The following COL4A4 variants were observed in gnomAD, a reference collection of about 807,000 sequenced individuals.
The protein encoded by COL4A4 is collagen type IV alpha 4 chain.
COL4A4 carries 105 observed loss-of-function variants against 192.9 expected under a neutral mutation model. The ratio of observed to expected loss-of-function variants is 0.54; its 90% CI spans 0.46 to 0.64. The LOEUF (loss-of-function observed/expected upper bound fraction) is 0.64. Ranked by LOEUF, COL4A4 falls within the 30% of genes least tolerant of loss-of-function variation. The pLI, the probability that COL4A4 is intolerant of heterozygous loss-of-function variation, is 0.00. For missense variants in COL4A4, 1,967 were observed against 2,169.3 expected (o/e 0.91, Z 1.85); for synonymous variants, 762 against 769.9 (o/e 0.99, Z 0.17).
At position 227,059,573 on chromosome 2, in the gene COL4A4, A is replaced by G. The variant is rs1178327075; in HGVS notation, c.2215T>C (p.Ser739Pro). The part of the protein sequence containing the change: ...DPGFGGEKGS[S>P]PVGPPGPPGS... ...GGAGGGCCTGGGGGCCCAACAGGGG[A>G]GGACCCCTTTTCACCTCCAAAACCC... Residue 739 changes from serine to proline, a missense_variant, in exon 28 of 48, where the codon TCC becomes CCC. Transcript: ENST00000396625. 1.2e-5 allele frequency: 20 copies of G among 1,613,972 alleles called. No individual in the cohort carries two copies. The highest frequency in any genetic ancestry group is 1.7e-5 in the Non-Finnish European group (20 of 1,180,008).
intron 43 of COL4A4, among the ~76,000 whole-genome samples, chr2:227,022,764 A>G (rs1966270773): frequency 1.3e-5 from 2 of 152,198 alleles, no homozygotes; most frequent in African/African-American, 2.4e-5. Flanking sequence ...ACTCCCAGAA[A>G]TACTGATTTA....
intron 37 of COL4A4, among the ~76,000 whole-genome samples, chr2:227,035,529 CAA>C (rs112442514): frequency 0.011 from 1,401 of 125,478 alleles, 12 homozygotes; most frequent in East Asian, 0.052. Flanking sequence ...TCTCGTGCAC[CAA>C]AAAAAAAAAA....
Position 227,008,350 on chromosome 2 carries a change from A to C in COL4A4, c.4523-46T>G. 1.9e-6 allele frequency: 3 copies of C among 1,595,662 alleles called. No individual in the cohort carries two copies. The South Asian group carries it at 3.3e-5, about 18-fold the overall frequency. On this transcript the variant is annotated intron_variant, in intron 46 of 47. Transcript: ENST00000396625. ...CAGCTGGTGTCCAAGCACCCCATGT[A>C]GGTGTTCCCAGACCCTTCCTTCCTC...
At chr2:227,059,994 C>T in intron 27 of COL4A4, 142 bp downstream of exon 27, 1 of 657,482 alleles carries the variant, frequency 1.5e-6, no homozygotes, top group South Asian at 1.9e-5. Context: ...AAGGGTCTAT[C>T]AAGAAACACC....
At chr2:227,014,375 G>A (rs893394017) in intron 44 of COL4A4, among the ~76,000 whole-genome samples, 4 of 152,302 alleles carry the variant, frequency 2.6e-5, no homozygotes, top group South Asian at 2.1e-4. Flanking sequence ...GGAACCACAC[G>A]TTGAGAACCA....
At chr2:227,031,796 CCTAA>C (rs1193017505) in intron 40 of COL4A4, 145 bp downstream of exon 40, 12 of 711,482 alleles carry the variant, frequency 1.7e-5, no homozygotes, top group South Asian at 3.1e-5. Flanking sequence ...AAAGTCCCAC[CCTAA>C]CTGTGTCCCA....
At chr2:227,040,113 A>T (rs1474819567) in intron 37 of COL4A4, among the ~76,000 whole-genome samples, 1 of 152,214 alleles carries the variant, frequency 6.6e-6, no homozygotes, top group Non-Finnish European at 1.5e-5. Context: ...GTGTGGGAAA[A>T]TCGTATTTGA....
At chr2:227,105,407 G>T (rs1293347939) in intron 12 of COL4A4, among the ~76,000 whole-genome samples, 1 of 152,006 alleles carries the variant, frequency 6.6e-6, no homozygotes, top group African/African-American at 2.4e-5. Flanking sequence ...GGCCAGGCTG[G>T]TCTCAAACTC....
chr2:227,089,598 TATATATATATAC>T lies in COL4A4; in HGVS notation c.1459+258_1459+269del, dbSNP rs997205343. On this transcript the variant is annotated intron_variant, in intron 21 of 47. Coordinates refer to ENST00000396625, the MANE Select transcript of COL4A4 (RefSeq NM_000092.5). The stretch of plus-strand genomic sequence containing the variant: ...GGCAGGCAAATGTTCCATATATATA[TATATATATATAC>T]ATACATATATATAAATATATAAGAC... Among the ~76,000 whole-genome samples the T allele has an allele frequency of 8.8e-5, 12 of 136,932 alleles. No homozygotes were observed. In the South Asian group the frequency reaches 1.7e-3, roughly 20 times the overall value. 89.8% of individuals were successfully genotyped at this position (136,932 alleles called of 152,430 possible). A position where few individuals can be genotyped will look rare whatever the true frequency, so the allele number is the denominator to read the frequency against.
Position 227,008,155 on chromosome 2 carries a change from C to A in COL4A4, c.4672G>T (p.Ala1558Ser). 2 of 1,614,044 alleles carry A rather than the reference C, an allele frequency of 1.2e-6. No homozygotes were observed. The highest frequency in any genetic ancestry group is 1.1e-5 in the South Asian group (1 of 91,074). The change falls in exon 47 of 48, where the codon GCG (alanine) becomes TCG (serine). Residue 1558 changes from alanine to serine, a missense_variant. Physicochemically the swap from Ala to Ser is moderately conservative, Grantham distance 99 (BLOSUM62 1). Transcript: ENST00000396625. ...CAGCGGCTGACATAGGGGCGGATCG[C>A]CTCTTCAGAGAGTGGCATCATGGGG... is the stretch of plus-strand genomic sequence containing the variant. Reference protein sequence around the residue: ...PLPMMPLSEEAIRPYVSRCAV... With the variant: ...PLPMMPLSEESIRPYVSRCAV...
intron 31 of COL4A4, among the ~76,000 whole-genome samples, chr2:227,054,364 GTTAATTCT>G (rs1407780596): frequency 2.3e-4 from 35 of 152,264 alleles, no homozygotes; most frequent in African/African-American, 7.7e-4. Flanking sequence ...AGAACCACTT[GTTAATTCT>G]TTTTCAATTA....
intron 44 of COL4A4, among the ~76,000 whole-genome samples, chr2:227,016,029 C>T (rs1202467997): frequency 6.6e-6 from 1 of 152,056 alleles, no homozygotes; most frequent in African/African-American, 2.4e-5. Flanking sequence ...TCCTTCCCTA[C>T]ATAAATGGTC....
At chr2:226,985,430 C>A in the COL4A4 span, among the ~76,000 whole-genome samples, 2 of 152,206 alleles carry the variant, frequency 1.3e-5, no homozygotes, top group African/African-American at 4.8e-5. Context: ...TCAAAATAAC[C>A]CTAATTCTGC....
chr2:227,054,886 T>A, intron 30 of COL4A4, 149 bp from the exon 31 acceptor site: 1 of 852,162 alleles, frequency 1.2e-6, no homozygotes, highest in Non-Finnish European at 1.9e-6. Flanking sequence ...GCCTCCCAAG[T>A]TCAAGCAATT....
At chr2:227,053,398 A>G (rs1279813517) in intron 31 of COL4A4, among the ~76,000 whole-genome samples, 2 of 152,154 alleles carry the variant, frequency 1.3e-5, no homozygotes, top group African/African-American at 4.8e-5. Flanking sequence ...TTTTCTCAAC[A>G]CTGGAAAGGA....
At chr2:226,984,922 G>T in the COL4A4 span, among the ~76,000 whole-genome samples, 1 of 151,280 alleles carries the variant, frequency 6.6e-6, no homozygotes, top group East Asian at 1.9e-4. Flanking sequence ...CTCTCCTGGG[G>T]GTTGGGGTGG....
Position 227,114,635 on chromosome 2 carries a change from C to A in COL4A4, c.551G>T (p.Gly184Val). 1 of 1,613,936 alleles carries A rather than the reference C, an allele frequency of 6.2e-7. No individual in the cohort carries two copies. The change falls in exon 8 of 48, where the codon GGT (glycine) becomes GTT (valine). Residue 184 changes from glycine (G) to valine (V), a missense_variant. By Grantham distance (109) the Gly-to-Val change is moderately radical (BLOSUM62 -3). Transcript: ENST00000396625. ...CATGATCATAATACTTACCTGAATACCTTTAACGGCACCTAAAATGAACAC... is the reference window on the plus strand; with the variant it reads ...CATGATCATAATACTTACCTGAATAACTTTAACGGCACCTAAAATGAACAC... ...NSVFILGAVK[G>V]IQGDRGDPGL... is the part of the protein sequence containing the mutation.
At chr2:227,163,933 G>C (rs1470347468) in intron 1 of COL4A4, 74 bp downstream of exon 1, 1 of 152,454 alleles carries the variant, frequency 6.6e-6, no homozygotes, top group Non-Finnish European at 1.5e-5. Context: ...TGAATGCCAC[G>C]CTCCCTCCAC....
At chr2:227,106,188 A>G (rs751716317) in intron 12 of COL4A4, among the ~76,000 whole-genome samples, 2 of 152,088 alleles carry the variant, frequency 1.3e-5, no homozygotes, top group Non-Finnish European at 2.9e-5. Context: ...TGCCCTAAAG[A>G]TATCTGCTGT....
Sources: allele counts gnomAD v4.1 joint callset (sites outside exome capture counted in the v4.1 genomes callset), GRCh38; gene constraint gnomAD v4.1.1; transcripts MANE v1.5; gene names NCBI Gene and HGNC (gene_info 2026-07-23, HGNC 2026-07-21).